NMNAT2: variants seen among roughly 807,000 people sequenced by gnomAD.
The protein encoded by NMNAT2 is nicotinamide nucleotide adenylyltransferase 2, also known as nicotinamide/nicotinic acid mononucleotide adenylyltransferase 2.
A neutral mutation model predicts 41.6 loss-of-function variants in NMNAT2; 11 were observed. That is an observed-to-expected ratio of 0.26 (90% CI 0.17 to 0.44). The LOEUF is 0.44. NMNAT2 is among the 20% of genes least tolerant of loss of function. The probability of loss-of-function intolerance (pLI) is 1.00; values close to 1 mark genes in which losing one functional copy is unlikely to be tolerated. For missense variants in NMNAT2, 288 were observed against 407.7 expected, an observed-to-expected ratio of 0.71 and a Z score of 2.53; for synonymous variants, 148 against 151.2, an observed-to-expected ratio of 0.98 and a Z score of 0.16.
At chr1:183,329,593 C>T (rs1662537884) in intron 1 of NMNAT2, among the ~76,000 whole-genome samples, 1 of 152,190 alleles carries the variant, frequency 6.6e-6, no homozygotes, top group African/African-American at 2.4e-5. Context: ...CCTCACTGTT[C>T]CCCTCATGGA....
At chr1:183,370,712 A>G (rs17556785) in intron 1 of NMNAT2, among the ~76,000 whole-genome samples, 13,648 of 152,312 alleles carry the variant, frequency 0.09, 788 homozygotes, top group Middle Eastern at 0.18. Flanking sequence ...AAATCCCCAG[A>G]AAAATATGCA....
intron 1 of NMNAT2, among the ~76,000 whole-genome samples, chr1:183,317,909 A>T (rs1309718301): frequency 6.6e-6 from 1 of 152,226 alleles, no homozygotes; most frequent in Admixed American, 6.5e-5. Context: ...TATGGGCTGG[A>T]TTCTATGCTG....
At chr1:183,364,027 T>C (rs138751603) in intron 1 of NMNAT2, among the ~76,000 whole-genome samples, 136 of 152,374 alleles carry the variant, frequency 8.9e-4, no homozygotes, top group African/African-American at 3.0e-3. Context: ...GCTGTCTTTC[T>C]TTCCATTAAA....
At chr1:183,357,430 C>T (rs1323868760) in intron 1 of NMNAT2, among the ~76,000 whole-genome samples, 2 of 151,718 alleles carry the variant, frequency 1.3e-5, no homozygotes, top group African/African-American at 2.4e-5. Flanking sequence ...GGGGTTTCAC[C>T]GTGTTAGCCA....
chr1:183,418,011 T>C (rs1362116248), intron 1 of NMNAT2, among the ~76,000 whole-genome samples, 172 bp downstream of exon 1: 5 of 151,980 alleles, frequency 3.3e-5, no homozygotes, highest in Non-Finnish European at 7.4e-5. Flanking sequence ...AAACGCAGTC[T>C]GCGTACCCTC....
intron 1 of NMNAT2, among the ~76,000 whole-genome samples, chr1:183,340,567 G>A (rs936144483): frequency 1.1e-4 from 17 of 151,974 alleles, no homozygotes; most frequent in African/African-American, 3.9e-4. Flanking sequence ...CGGGTGATCC[G>A]CCTGCCTCAG....
chr1:183,262,257 T>G (rs1398773675), intron 8 of NMNAT2, among the ~76,000 whole-genome samples: 1 of 150,234 alleles, frequency 6.7e-6, no homozygotes, highest in African/African-American at 2.5e-5. Flanking sequence ...TTAAAAGAAA[T>G]AACATTTTTA....
intron 6 of NMNAT2, 34 bp from the exon 7 acceptor site, chr1:183,284,073 G>C: frequency 1.3e-6 from 2 of 1,575,916 alleles, no homozygotes; most frequent in Non-Finnish European, 1.7e-6. Context: ...GGGCATTAGG[G>C]AACAGGCTTC....
At chr1:183,300,213 C>T (rs1403052864) in intron 1 of NMNAT2, among the ~76,000 whole-genome samples, 1 of 152,026 alleles carries the variant, frequency 6.6e-6, no homozygotes, top group Admixed American at 6.5e-5. Context: ...ACCAGCCCGG[C>T]CAATATGGTG....
At chr1:183,272,541 C>T (rs1661012007) in intron 8 of NMNAT2, among the ~76,000 whole-genome samples, 1 of 152,150 alleles carries the variant, frequency 6.6e-6, no homozygotes, top group African/African-American at 2.4e-5. Flanking sequence ...ATCTTTGTGC[C>T]TAATGGGAAA....
intron 1 of NMNAT2, among the ~76,000 whole-genome samples, chr1:183,411,714 G>C (rs1479435038): frequency 6.6e-6 from 1 of 152,188 alleles, no homozygotes; most frequent in African/African-American, 2.4e-5. Context: ...AGCTCTAGCT[G>C]GGGAGACAGG....
At chr1:183,256,747 G>A (rs1660524624) in intron 10 of NMNAT2, among the ~76,000 whole-genome samples, 1 of 152,000 alleles carries the variant, frequency 6.6e-6, no homozygotes. Context: ...AGAAATATTG[G>A]CCTACAGTTT....
chr1:183,368,672 A>T (rs1423379798), intron 1 of NMNAT2, among the ~76,000 whole-genome samples: 1 of 152,114 alleles, frequency 6.6e-6, no homozygotes, highest in Non-Finnish European at 1.5e-5. Context: ...CCTTCTAAGC[A>T]CCTTCTTGCC....
At chr1:183,267,856 G>A (rs10911293) in intron 8 of NMNAT2, among the ~76,000 whole-genome samples, 147,220 of 152,096 alleles carry the variant, frequency 0.97, 71,446 homozygotes, top group East Asian at 1. Flanking sequence ...CATTCGTGAT[G>A]GTGGCCAATG....
chr1:183,397,773 A>G (rs886994802), intron 1 of NMNAT2, among the ~76,000 whole-genome samples: 4 of 152,238 alleles, frequency 2.6e-5, no homozygotes, highest in African/African-American at 9.6e-5. Flanking sequence ...TTTAAAGAAA[A>G]GAATTTTCAA....
chr1:183,365,522 CGAG>C (rs1557890623), intron 1 of NMNAT2, among the ~76,000 whole-genome samples: 1 of 151,730 alleles, frequency 6.6e-6, no homozygotes, highest in African/African-American at 2.4e-5. Context: ...TTTGGGAGGC[CGAG>C]GAGGGTGGAT....
chr1:183,411,411 G>A (rs940656979), intron 1 of NMNAT2, among the ~76,000 whole-genome samples: 1 of 151,948 alleles, frequency 6.6e-6, no homozygotes, highest in Admixed American at 6.6e-5. Context: ...ACCTCTGACC[G>A]TCCCACCTCA....
chr1:183,374,159 T>C (rs1279598266), intron 1 of NMNAT2, among the ~76,000 whole-genome samples: 1 of 152,214 alleles, frequency 6.6e-6, no homozygotes, highest in African/African-American at 2.4e-5. Flanking sequence ...TCTGAACCAA[T>C]TCCCTCTCTC....
At chr1:183,352,786 C>T (rs901187589) in intron 1 of NMNAT2, among the ~76,000 whole-genome samples, 29 of 152,128 alleles carry the variant, frequency 1.9e-4, no homozygotes, top group African/African-American at 6.5e-4. Context: ...GTGGAAAAGG[C>T]CTCACCTGGT....
Sources: allele counts gnomAD v4.1 joint callset (sites outside exome capture counted in the v4.1 genomes callset), GRCh38; gene constraint gnomAD v4.1.1; transcripts MANE v1.5; gene names NCBI Gene and HGNC (gene_info 2026-07-23, HGNC 2026-07-21).